SERPINB10: variants seen among roughly 807,000 people sequenced by gnomAD.
The protein encoded by SERPINB10 is serpin B10.
In SERPINB10, 35 loss-of-function variants were observed where a neutral mutation model predicts 39.1. The ratio of observed to expected loss-of-function variants is 0.90; its 90% CI spans 0.68 to 1.19. The LOEUF (loss-of-function observed/expected upper bound fraction) is 1.19. SERPINB10 is among the 50% of genes most tolerant of loss of function. SERPINB10 has a pLI of 0.00. For missense variants in SERPINB10, 546 were observed against 460.5 expected (o/e 1.19, Z -1.70); for synonymous variants, 190 against 158.1 (o/e 1.20, Z -1.52).
Position 63,933,221 on chromosome 18 carries a change from G to A in SERPINB10, c.789+18G>A. ...TGGAACAGGTAAATAACATCAGTGT[G>A]TCTGATGTGAGGGTGTTTCCAGTGT... On this transcript the variant is annotated intron_variant, in intron 7 of 7. Transcript: ENST00000238508. The A allele has an allele frequency of 6.2e-7, 1 of 1,612,310 alleles. No homozygotes were observed. Among genetic ancestry groups the A allele is most frequent in the Non-Finnish European group, 8.5e-7 (1 of 1,178,672 alleles).
chr18:63,927,258 A>G (rs901799421), intron 5 of SERPINB10, among the ~76,000 whole-genome samples: 1 of 152,062 alleles, frequency 6.6e-6, no homozygotes, highest in African/African-American at 2.4e-5. Context: ...TTTAATTTAC[A>G]AAGTCATCAT....
chr18:63,924,553 G>A (rs1451047880), intron 5 of SERPINB10, among the ~76,000 whole-genome samples: 3 of 151,948 alleles, frequency 2.0e-5, no homozygotes, highest in Non-Finnish European at 2.9e-5. Context: ...TCAAGCATCA[G>A]TATTTTTAAG....
chr18:63,915,389 G>A (rs1202312826), intron 1 of SERPINB10, 113 bp from the exon 2 acceptor site: 1 of 637,744 alleles, frequency 1.6e-6, no homozygotes, highest in African/African-American at 1.9e-5. Flanking sequence ...AGTCTATTCA[G>A]CTCATATGAC....
intron 5 of SERPINB10, among the ~76,000 whole-genome samples, chr18:63,921,641 A>G (rs903777457): frequency 6.6e-6 from 1 of 151,910 alleles, no homozygotes; most frequent in African/African-American, 2.4e-5. Flanking sequence ...ACCTGCCTAG[A>G]ATACAAATTA....
chr18:63,930,951 G>A (rs563064348), intron 6 of SERPINB10, among the ~76,000 whole-genome samples: 20 of 152,296 alleles, frequency 1.3e-4, no homozygotes, highest in African/African-American at 4.3e-4. Flanking sequence ...GTGGAACTAT[G>A]GCTGTAATGA....
At chr18:63,926,870 T>A (rs888953129) in intron 5 of SERPINB10, among the ~76,000 whole-genome samples, 17 of 152,088 alleles carry the variant, frequency 1.1e-4, no homozygotes, top group Non-Finnish European at 2.9e-5. Context: ...TTTAACGATA[T>A]TTTATAAGCA....
chr18:63,920,425 G>A (rs1568246080), intron 5 of SERPINB10, among the ~76,000 whole-genome samples: 1 of 151,952 alleles, frequency 6.6e-6, no homozygotes. Context: ...AGGTAGTTAG[G>A]CATCCTGGCT....
At chr18:63,908,435 C>T (rs547594133) in intron 1 of SERPINB10, among the ~76,000 whole-genome samples, 2 of 151,876 alleles carry the variant, frequency 1.3e-5, no homozygotes, top group Non-Finnish European at 2.9e-5. Flanking sequence ...GAGCCAAAAC[C>T]CTTCAACTCT....
intron 1 of SERPINB10, 144 bp downstream of exon 1, chr18:63,908,184 G>A (rs1330440010): frequency 5.6e-6 from 1 of 179,510 alleles, no homozygotes; most frequent in Non-Finnish European, 1.3e-5. Context: ...TTAAGAATTT[G>A]TCTGTATAAG....
chr18:63,915,779 C>G (rs1329501766), intron 2 of SERPINB10, 101 bp downstream of exon 2: 2 of 1,003,000 alleles, frequency 2.0e-6, no homozygotes, highest in Non-Finnish European at 2.9e-6. Flanking sequence ...ATTTACATTT[C>G]ACAATAACAT....
chr18:63,916,233 T>C (rs2050101393), intron 2 of SERPINB10, among the ~76,000 whole-genome samples: 2 of 146,354 alleles, frequency 1.4e-5, no homozygotes, highest in African/African-American at 2.7e-5. Flanking sequence ...ACATTGTGCG[T>C]ATGTAAATAT....
At chr18:63,926,056 T>C (rs1191669148) in intron 5 of SERPINB10, among the ~76,000 whole-genome samples, 1 of 151,772 alleles carries the variant, frequency 6.6e-6, no homozygotes, top group Non-Finnish European at 1.5e-5. Context: ...GTAAACAGAG[T>C]GGTTAAAAAC....
At position 63,933,042 on chromosome 18, in the gene SERPINB10, T is replaced by C. The variant is rs943196053; in HGVS notation, c.634-6T>C. On this transcript the variant is annotated splice_polypyrimidine_tract_variant and splice_region_variant and intron_variant, in intron 6 of 7. Transcript: ENST00000238508. ...ACCTGTTTTTTTGTTTTTTTGTTTT[T>C]TTTAGACTACAAGCAAACCAGTGCA... The C allele has an allele frequency of 1.9e-6, 3 of 1,606,894 alleles. No individual in the cohort carries two copies. Among genetic ancestry groups the C allele is most frequent in the Non-Finnish European group, 2.5e-6 (3 of 1,178,324 alleles).
intron 5 of SERPINB10, among the ~76,000 whole-genome samples, chr18:63,926,604 T>C (rs1338260911): frequency 6.6e-6 from 1 of 151,978 alleles, no homozygotes; most frequent in African/African-American, 2.4e-5. Flanking sequence ...AGGAGAATTC[T>C]ACAAAACAAA....
At chr18:63,914,006 G>T (rs2050084220) in intron 1 of SERPINB10, among the ~76,000 whole-genome samples, 1 of 151,928 alleles carries the variant, frequency 6.6e-6, no homozygotes, top group Non-Finnish European at 1.5e-5. Context: ...TGAACCTTTT[G>T]CCATTATATA....
At chr18:63,931,438 G>A (rs968807058) in intron 6 of SERPINB10, among the ~76,000 whole-genome samples, 8 of 152,132 alleles carry the variant, frequency 5.3e-5, no homozygotes, top group African/African-American at 1.4e-4. Flanking sequence ...TAGAGTACTC[G>A]CAGTAAACAG....
chr18:63,915,516 C>T lies in SERPINB10; in HGVS notation c.6C>T (p.Asp2=), dbSNP rs769547584. The T allele has an allele frequency of 2.2e-5, 35 of 1,599,180 alleles. No homozygotes were observed. In the Admixed American group the frequency reaches 5.0e-4, roughly 23 times the overall value. The part of the protein sequence containing the change: M[D]SLATSINQFA... ...ATTTTTCTTAGGTTTCCTCAATGGACTCTCTAGCAACATCAATCAACCAGT... is the reference window on the plus strand; with the variant it reads ...ATTTTTCTTAGGTTTCCTCAATGGATTCTCTAGCAACATCAATCAACCAGT... Residue 2 remains aspartate (D), a synonymous_variant, in exon 2 of 8, where the codon GAC becomes GAT. Transcript: ENST00000238508.
At chr18:63,926,247 T>C (rs8093894) in intron 5 of SERPINB10, among the ~76,000 whole-genome samples, 62,501 of 151,756 alleles carry the variant, frequency 0.41, 15,729 homozygotes, top group African/African-American at 0.71. Flanking sequence ...AATCTTTGCC[T>C]GCATTGGTAC....
At chr18:63,932,507 CT>C (rs935401501) in intron 6 of SERPINB10, among the ~76,000 whole-genome samples, 1 of 152,020 alleles carries the variant, frequency 6.6e-6, no homozygotes, top group Non-Finnish European at 1.5e-5. Flanking sequence ...TGCTGTATGT[CT>C]TCTTTGTGAG....
Sources: allele counts gnomAD v4.1 joint callset (sites outside exome capture counted in the v4.1 genomes callset), GRCh38; gene constraint gnomAD v4.1.1; transcripts MANE v1.5; gene names NCBI Gene and HGNC (gene_info 2026-07-23, HGNC 2026-07-21).